Variants in RBFOX1 observed in about 807,000 individuals in gnomAD.
RBFOX1 encodes RNA binding fox-1 homolog 1.
RBFOX1 carries 8 observed loss-of-function variants against 57.7 expected under a neutral mutation model. That is an observed-to-expected ratio of 0.14 (90% CI 0.08 to 0.25). The LOEUF is 0.25. Among genes scored for constraint, RBFOX1 ranks in the 10% least tolerant of loss-of-function variants. The probability of loss-of-function intolerance (pLI) is 1.00; values close to 1 mark genes in which losing one functional copy is unlikely to be tolerated. For synonymous variants in RBFOX1, 326 were observed against 222.4 expected (o/e 1.47, Z -4.15); for missense variants, 611 against 548.5 (o/e 1.11, Z -1.14).
At chr16:6,494,324 A>C (rs545197191) in intron 2 of RBFOX1, among the ~76,000 whole-genome samples, 1 of 152,312 alleles carries the variant, frequency 6.6e-6, no homozygotes, top group East Asian at 1.9e-4. Context: ...GGTACTGAGC[A>C]GTTCCATCCT....
intron 3 of RBFOX1, among the ~76,000 whole-genome samples, chr16:5,746,823 C>T (rs867930834): frequency 6.6e-6 from 1 of 152,196 alleles, no homozygotes; most frequent in Non-Finnish European, 1.5e-5. Context: ...TACTCATCAA[C>T]TTAAGGAGAT....
At chr16:7,153,884 T>C (rs187331312) in intron 4 of RBFOX1, among the ~76,000 whole-genome samples, 1 of 152,126 alleles carries the variant, frequency 6.6e-6, no homozygotes, top group East Asian at 1.9e-4. Flanking sequence ...AGGAAAGAGA[T>C]AGAGGTAAAT....
At chr16:6,896,385 TC>T (rs1228662524) in intron 3 of RBFOX1, among the ~76,000 whole-genome samples, 1 of 152,212 alleles carries the variant, frequency 6.6e-6, no homozygotes, top group African/African-American at 2.4e-5. Flanking sequence ...TCTTTTTCTT[TC>T]TTTTTTTCTT....
At chr16:7,338,265 T>C (rs937855766) in intron 4 of RBFOX1, among the ~76,000 whole-genome samples, 14 of 151,402 alleles carry the variant, frequency 9.2e-5, no homozygotes, top group East Asian at 2.0e-4. Context: ...CTCTCTGAGA[T>C]GGTAAGCTCT....
intron 3 of RBFOX1, among the ~76,000 whole-genome samples, chr16:6,765,741 C>A (rs1273019399): frequency 1.3e-5 from 2 of 152,036 alleles, no homozygotes; most frequent in Non-Finnish European, 2.9e-5. Flanking sequence ...GCCTTAGTGC[C>A]CAGCAACCAA....
Position 6,433,810 on chromosome 16 carries a change from C to A in RBFOX1, c.-64+116753C>A, listed in dbSNP as rs982848900. ...TCCAACCTCTGCTCCATCATCACAC[C>A]TCCTTTTCCTCTAGCTCCAACCTCT... is the stretch of plus-strand genomic sequence containing the variant. On this transcript the variant is annotated intron_variant, in intron 2 of 15. Transcript: ENST00000550418. Among the ~76,000 whole-genome samples the A allele has an allele frequency of 5.9e-5, 9 of 151,538 alleles. No homozygotes were observed. The East Asian group carries it at 1.7e-3, about 29-fold the overall frequency.
rs185843406 is a variant in RBFOX1 at position 6,840,715 on chromosome 16, C to G, written c.-16+186065C>G. Reference sequence around the variant, plus strand: ...CATCCTGGCCAACATGGTGAAACCCCGTCTCTACTACAAATACAAAAATTA... The same window carrying G: ...CATCCTGGCCAACATGGTGAAACCCGGTCTCTACTACAAATACAAAAATTA... On this transcript the variant is annotated intron_variant, in intron 3 of 15. Transcript: ENST00000550418. Among the ~76,000 whole-genome samples, 545 of 151,792 alleles carry G rather than the reference C, an allele frequency of 3.6e-3. 5 individuals carry two copies. The highest frequency in any genetic ancestry group is 0.013 in the African/African-American group (530 of 41,368).
intron 4 of RBFOX1, among the ~76,000 whole-genome samples, chr16:7,137,967 G>A (rs2072514967): frequency 6.6e-6 from 1 of 152,108 alleles, no homozygotes; most frequent in Non-Finnish European, 1.5e-5. Flanking sequence ...CTATTTTCAT[G>A]GTTTTACAGA....
Position 7,200,303 on chromosome 16 carries a change from A to G in RBFOX1, c.27+148205A>G, listed in dbSNP as rs140571331. 1.1e-3 allele frequency among the ~76,000 whole-genome samples: 170 copies of G among 152,332 alleles called. 1 individual carries two copies. The highest frequency in any genetic ancestry group is 3.9e-3 in the African/African-American group (163 of 41,576). ...CCCAGGGAGTGGAGTGGAGAAGTGA[A>G]TAACTTAATGGTGACACTAAGTTGG... On this transcript the variant is annotated intron_variant, in intron 4 of 15. Transcript: ENST00000550418.
chr16:5,578,566 C>T (rs545281623), intron 2 of RBFOX1, among the ~76,000 whole-genome samples: 28 of 152,194 alleles, frequency 1.8e-4, no homozygotes, highest in African/African-American at 6.5e-4. Context: ...TCAGGTACTT[C>T]CTGCAAACAT....
At chr16:5,494,815 G>A (rs944228931) in intron 2 of RBFOX1, among the ~76,000 whole-genome samples, 3 of 152,224 alleles carry the variant, frequency 2.0e-5, no homozygotes, top group Non-Finnish European at 4.4e-5. Flanking sequence ...GACCCTCAGA[G>A]ATGAAAATGA....
chr16:6,959,934 C>G (rs548126394), intron 3 of RBFOX1, among the ~76,000 whole-genome samples: 2 of 152,102 alleles, frequency 1.3e-5, no homozygotes, highest in Non-Finnish European at 2.9e-5. Flanking sequence ...GAAACTCCAT[C>G]TCATAAATAA....
intron 3 of RBFOX1, among the ~76,000 whole-genome samples, chr16:6,848,793 G>C (rs573273728): frequency 6.6e-6 from 1 of 152,144 alleles, no homozygotes. Flanking sequence ...CATTTAAAGA[G>C]AAAGTTTCAC....
At chr16:6,776,951 T>C (rs547242567) in intron 3 of RBFOX1, among the ~76,000 whole-genome samples, 1 of 152,326 alleles carries the variant, frequency 6.6e-6, no homozygotes, top group South Asian at 2.1e-4. Flanking sequence ...TCATAAATTA[T>C]CTGAGAGGTT....
At chr16:6,803,008 G>C (rs2085858725) in intron 3 of RBFOX1, among the ~76,000 whole-genome samples, 1 of 152,096 alleles carries the variant, frequency 6.6e-6, no homozygotes, top group Non-Finnish European at 1.5e-5. Flanking sequence ...AAGTCTTTTA[G>C]CTGCCTTGCT....
chr16:7,120,920 C>G (rs1014632744), intron 4 of RBFOX1, among the ~76,000 whole-genome samples: 29 of 150,194 alleles, frequency 1.9e-4, no homozygotes, highest in African/African-American at 5.9e-4. Context: ...AGCATGACCA[C>G]ATAGTATTAG....
chr16:5,302,278 C>T (rs139127300), intron 1 of RBFOX1, among the ~76,000 whole-genome samples: 3 of 152,136 alleles, frequency 2.0e-5, no homozygotes, highest in Non-Finnish European at 2.9e-5. Context: ...TAATTAAATA[C>T]TGTTGTCAGA....
intron 2 of RBFOX1, among the ~76,000 whole-genome samples, chr16:6,511,424 T>A (rs1368568270): frequency 1.3e-5 from 2 of 152,298 alleles, no homozygotes; most frequent in South Asian, 4.1e-4. Context: ...GACCTGGGAA[T>A]TTTCCTGCTC....
intron 3 of RBFOX1, among the ~76,000 whole-genome samples, chr16:5,606,663 C>A (rs1191605569): frequency 6.6e-6 from 1 of 152,132 alleles, no homozygotes; most frequent in Non-Finnish European, 1.5e-5. Flanking sequence ...TAGCCCATAA[C>A]TGAGGCACAA....
Sources: gnomAD v4.1 joint callset for allele counts (sites outside exome capture counted in the v4.1 genomes callset) on GRCh38, gnomAD v4.1.1 for gene constraint, MANE v1.5 for transcripts, NCBI Gene and HGNC (gene_info 2026-07-23, HGNC 2026-07-21) for gene names.